The following SDK1 variants were observed in gnomAD, a reference collection of about 807,000 sequenced individuals.
The protein encoded by SDK1 is sidekick cell adhesion molecule 1.
In SDK1, 157 loss-of-function variants were observed where a neutral mutation model predicts 245.5. The ratio of observed to expected loss-of-function variants is 0.64; its 90% confidence interval spans 0.56 to 0.73. The LOEUF (loss-of-function observed/expected upper bound fraction) is 0.73. Ranked by LOEUF, SDK1 falls within the 30% of genes least tolerant of loss-of-function variation. The probability of loss-of-function intolerance (pLI) is 0.00; values close to 1 mark genes in which losing one functional copy is unlikely to be tolerated. For synonymous variants in SDK1, 1,647 were observed against 1,278.5 expected (o/e 1.29, Z -6.15); for missense variants, 3,583 against 3,002.3 (o/e 1.19, Z -4.52).
intron 3 of SDK1, among the ~76,000 whole-genome samples, 169 bp from the exon 4 acceptor site, chr7:3,641,789 C>T (rs949994169): frequency 2.0e-5 from 3 of 152,208 alleles, no homozygotes; most frequent in African/African-American, 4.8e-5. Flanking sequence ...GTGCTTCACT[C>T]GCAAGCAGAT....
chr7:3,698,764 ACT>A lies in SDK1; in HGVS notation c.713+56664_713+56665del, dbSNP rs1784651200. On this transcript the variant is annotated intron_variant, in intron 4 of 44. Coordinates refer to ENST00000404826, the MANE Select transcript of SDK1 (RefSeq NM_152744.4). ...CATGGCAGGTAGAGAGAGAGAACAA[ACT>A]CTCTGGTGTCTCTTCTTATAAGGGA... 5.3e-5 allele frequency among the ~76,000 whole-genome samples: 8 copies of A among 152,060 alleles called. No homozygotes were observed. The South Asian group carries it at 1.7e-3, about 32-fold the overall frequency.
At chr7:3,483,230 A>C (rs951428427) in intron 1 of SDK1, among the ~76,000 whole-genome samples, 8 of 152,308 alleles carry the variant, frequency 5.3e-5, no homozygotes, top group South Asian at 2.1e-4. Flanking sequence ...AGCATTTCTG[A>C]ATAGAGTATA....
intron 1 of SDK1, among the ~76,000 whole-genome samples, chr7:3,317,060 C>T (rs532470324): frequency 3.3e-5 from 5 of 150,980 alleles, no homozygotes; most frequent in South Asian, 2.1e-4. Context: ...GTGCACTTGT[C>T]GTCCCAGCTA....
intron 5 of SDK1, among the ~76,000 whole-genome samples, chr7:3,919,464 A>T (rs767460550): frequency 2.0e-4 from 30 of 152,188 alleles, no homozygotes; most frequent in Non-Finnish European, 4.0e-4. Flanking sequence ...TGACAATTGG[A>T]GGGGAAGGAG....
rs184492303 is a variant in SDK1, at chr7:3,324,453, G to A, written c.298+22569G>A. Among the ~76,000 whole-genome samples, 13 of 152,116 alleles carry A rather than the reference G, an allele frequency of 8.5e-5. No individual in the cohort carries two copies. The East Asian group carries it at 1.4e-3, about 16-fold the overall frequency. On this transcript the variant is annotated intron_variant, in intron 1 of 44. Coordinates refer to ENST00000404826, the MANE Select transcript of SDK1 (RefSeq NM_152744.4). Reference sequence around the variant, plus strand: ...ATGAACTTTCAGCCTTTGAAAAGTCGTTACAAAAAGCCGATGTGTAAAATG... The same window carrying A: ...ATGAACTTTCAGCCTTTGAAAAGTCATTACAAAAAGCCGATGTGTAAAATG...
chr7:3,348,954 A>G (rs1780581666), intron 1 of SDK1, among the ~76,000 whole-genome samples: 1 of 152,154 alleles, frequency 6.6e-6, no homozygotes, highest in East Asian at 1.9e-4. Context: ...GTAGCTTGTC[A>G]TGTTGTCAGA....
At chr7:3,666,645 G>C (rs953203201) in intron 4 of SDK1, among the ~76,000 whole-genome samples, 2 of 152,152 alleles carry the variant, frequency 1.3e-5, no homozygotes, top group African/African-American at 4.8e-5. Flanking sequence ...CCCTAAAATA[G>C]TGCCTTGTGC....
In SDK1 at chr7:3,517,209, T is replaced by C. The variant is rs184915714; in HGVS notation, c.299-101871T>C. The stretch of plus-strand genomic sequence containing the variant: ...TGATAGGAAGCTGTATTATTAGGTT[T>C]ATAAGAGTGCCCAGTAATTCACGCA... On this transcript the variant is annotated intron_variant, in intron 1 of 44. Coordinates refer to ENST00000404826, the MANE Select transcript of SDK1 (RefSeq NM_152744.4). 1.9e-3 allele frequency among the ~76,000 whole-genome samples: 290 copies of C among 152,324 alleles called. 2 individuals carry two copies. Among genetic ancestry groups the C allele is most frequent in the African/African-American group, 6.6e-3 (275 of 41,580 alleles).
At chr7:4,219,026 C>T (rs1203304763) in intron 38 of SDK1, among the ~76,000 whole-genome samples, 1 of 152,116 alleles carries the variant, frequency 6.6e-6, no homozygotes, top group Admixed American at 6.6e-5. Context: ...TTTTCTATTT[C>T]TAGGTAATCC....
At chr7:4,243,790 A>G (rs1436698806) in intron 43 of SDK1, among the ~76,000 whole-genome samples, 1 of 152,152 alleles carries the variant, frequency 6.6e-6, no homozygotes, top group African/African-American at 2.4e-5. Flanking sequence ...CCCACATGTG[A>G]TTGAAGGAAA....
chr7:3,616,380 G>A (rs1003134730), intron 1 of SDK1, among the ~76,000 whole-genome samples: 1 of 152,194 alleles, frequency 6.6e-6, no homozygotes, highest in Non-Finnish European at 1.5e-5. Context: ...GCAAGGCCCT[G>A]CACAACCTGG....
chr7:3,439,481 G>A (rs963888842), intron 1 of SDK1, among the ~76,000 whole-genome samples: 2 of 152,078 alleles, frequency 1.3e-5, no homozygotes, highest in Non-Finnish European at 2.9e-5. Context: ...AAGACTCAGT[G>A]GACAGCAATC....
At chr7:4,072,711 C>T (rs1401266500) in intron 20 of SDK1, among the ~76,000 whole-genome samples, 2 of 152,214 alleles carry the variant, frequency 1.3e-5, no homozygotes, top group African/African-American at 4.8e-5. Context: ...AAAGGCTGCA[C>T]CTGCTATTAA....
intron 4 of SDK1, among the ~76,000 whole-genome samples, chr7:3,731,145 C>A (rs1305679638): frequency 6.6e-6 from 1 of 152,176 alleles, no homozygotes; most frequent in Non-Finnish European, 1.5e-5. Flanking sequence ...ATGCATCCAT[C>A]ACCGCAGTGG....
At chr7:3,473,259 C>T (rs560294952) in intron 1 of SDK1, among the ~76,000 whole-genome samples, 1 of 152,334 alleles carries the variant, frequency 6.6e-6, no homozygotes, top group South Asian at 2.1e-4. Context: ...ACTGTACACA[C>T]TGCCTCTTAG....
chr7:3,528,896 C>G (rs990919276), intron 1 of SDK1, among the ~76,000 whole-genome samples: 2 of 152,084 alleles, frequency 1.3e-5, no homozygotes, highest in African/African-American at 4.8e-5. Context: ...ATCTCCTTCT[C>G]TCCCCTTGCT....
intron 30 of SDK1, among the ~76,000 whole-genome samples, chr7:4,157,460 G>GAGAGAGAAGGAA (rs1780825291): frequency 3.5e-5 from 1 of 28,596 alleles, no homozygotes; most frequent in African/African-American, 2.2e-4. Context: ...GGAGGTGGAA[G>GAGAGAGAAGGAA]GGAGAGAAGG....
chr7:3,565,760 T>G (rs1427170253), intron 1 of SDK1, among the ~76,000 whole-genome samples: 1 of 152,236 alleles, frequency 6.6e-6, no homozygotes, highest in Non-Finnish European at 1.5e-5. Context: ...CAACTTGATA[T>G]AATGTAAATG....
intron 27 of SDK1, among the ~76,000 whole-genome samples, chr7:4,130,992 C>T (rs1412405814): frequency 5.3e-5 from 8 of 152,118 alleles, no homozygotes; most frequent in African/African-American, 1.4e-4. Context: ...CCCTGATCCT[C>T]GCCTCGCCTC....
Sources: allele counts gnomAD v4.1 joint callset (sites outside exome capture counted in the v4.1 genomes callset), GRCh38; gene constraint gnomAD v4.1.1; transcripts MANE v1.5; gene names NCBI Gene and HGNC (gene_info 2026-07-23, HGNC 2026-07-21).